ITIH5: variants seen among roughly 807,000 people sequenced by gnomAD.
ITIH5 encodes the protein inter-alpha-trypsin inhibitor heavy chain H5.
Under a neutral mutation model 77.5 loss-of-function variants are expected in ITIH5, and 65 were observed. The ratio of observed to expected loss-of-function variants is 0.84; its 90% CI spans 0.69 to 1.03. The LOEUF (loss-of-function observed/expected upper bound fraction) is 1.03. Among genes scored for constraint, ITIH5 ranks in the 50% least tolerant of loss-of-function variants. ITIH5 has a pLI of 0.00. For missense variants in ITIH5, 1,208 were observed against 1,213.1 expected (o/e 1.00, Z 0.06); for synonymous variants, 525 against 494.3 (o/e 1.06, Z -0.82).
chr10:7,597,152 T>C lies in ITIH5; in HGVS notation c.940-11083A>G, dbSNP rs959468954. Among the ~76,000 whole-genome samples, 3 of 151,294 alleles carry C rather than the reference T, an allele frequency of 2.0e-5. No individual in the cohort carries two copies. In the Admixed American group the frequency reaches 2.0e-4, roughly 10 times the overall value. On this transcript the variant is annotated intron_variant, in intron 7 of 13. Transcript: ENST00000397146. ...TCAGCAAATGAAAACAGCCCTAAGT[T>C]TCTGAAAGGTAATTTTGGAAAATGA...
rs1373198278 is a variant in ITIH5 at position 7,643,307 on chromosome 10, GC to G, written c.136-1218del. 5.3e-5 allele frequency among the ~76,000 whole-genome samples: 8 copies of G among 152,196 alleles called. No individual in the cohort carries two copies. The South Asian group carries it at 1.2e-3, about 24-fold the overall frequency. ...TGGTCTATAGAATTTTGTTATGGAA[GC>G]CCGAGCAAGCTAAAACAAGACATTA... On this transcript the variant is annotated intron_variant, in intron 2 of 13. Transcript: ENST00000397146.
At chr10:7,601,292 A>G (rs944095594) in intron 7 of ITIH5, among the ~76,000 whole-genome samples, 6 of 152,126 alleles carry the variant, frequency 3.9e-5, no homozygotes, top group African/African-American at 7.2e-5. Flanking sequence ...CTTTACCCCA[A>G]TTCAGAGAGA....
chr10:7,566,576 T>C (rs1045764193), intron 12 of ITIH5, among the ~76,000 whole-genome samples, 169 bp from the exon 13 acceptor site: 1 of 150,432 alleles, frequency 6.6e-6, no homozygotes, highest in African/African-American at 2.5e-5. Context: ...AAATAAACAA[T>C]TAGCTGAGCA....
At chr10:7,627,086 C>T (rs1011605498) in intron 5 of ITIH5, among the ~76,000 whole-genome samples, 3 of 152,102 alleles carry the variant, frequency 2.0e-5, no homozygotes, top group Non-Finnish European at 2.9e-5. Flanking sequence ...ACAGCAAAGG[C>T]AGATCATGAT....
intron 7 of ITIH5, among the ~76,000 whole-genome samples, chr10:7,609,967 G>A (rs1833208455): frequency 6.6e-6 from 1 of 151,752 alleles, no homozygotes; most frequent in Non-Finnish European, 1.5e-5. Flanking sequence ...CTACATGTCT[G>A]TCTGCAAATG....
intron 6 of ITIH5, 145 bp from the exon 7 acceptor site, chr10:7,616,243 A>C (rs1833364567): frequency 1.6e-6 from 1 of 607,826 alleles, no homozygotes; most frequent in Admixed American, 2.7e-5. Flanking sequence ...AAAATTATCT[A>C]AGGCCCTGAT....
chr10:7,618,950 G>C (rs559030510), intron 5 of ITIH5: 2 of 152,290 alleles, frequency 1.3e-5, no homozygotes, highest in East Asian at 3.9e-4. Flanking sequence ...ACTTATCAAG[G>C]ACAGGGATTT....
At chr10:7,615,259 T>A (rs986118678) in intron 7 of ITIH5, among the ~76,000 whole-genome samples, 6 of 152,006 alleles carry the variant, frequency 3.9e-5, no homozygotes, top group African/African-American at 1.4e-4. Context: ...CTCAAAAAAA[T>A]AAATAAAATA....
In ITIH5 at chr10:7,640,148, C is replaced by CAAAAAAAAA. The variant is rs56939703; in HGVS notation, c.401+597_401+605dup. On this transcript the variant is annotated intron_variant, in intron 4 of 13. Transcript: ENST00000397146. ...AATATTTAGAGTTAGGGGGTAACTACAAAAAAAAAAAAAAAAAAAAAAACT... is the reference window on the plus strand; with the variant it reads ...AATATTTAGAGTTAGGGGGTAACTACAAAAAAAAAAAAAAAAAAAAAAAAAAAAAAAACT... Among the ~76,000 whole-genome samples, 58 of 80,252 alleles carry CAAAAAAAAA rather than the reference C, an allele frequency of 7.2e-4. 1 individual carries two copies. The highest frequency in any genetic ancestry group is 1.2e-3 in the Admixed American group (7 of 5,852). The allele number at this position is 80,252 out of a possible 152,430, so 52.6% of individuals were successfully genotyped here. A position where few individuals can be genotyped will look rare whatever the true frequency, so the allele number is the denominator to read the frequency against.
At chr10:7,565,614 AC>A (rs1371153225) in intron 13 of ITIH5, among the ~76,000 whole-genome samples, 3 of 148,724 alleles carry the variant, frequency 2.0e-5, no homozygotes, top group Non-Finnish European at 4.5e-5. Flanking sequence ...AATATATAAT[AC>A]ATTATGTATA....
chr10:7,656,654 G>A (rs1834188153), intron 1 of ITIH5, among the ~76,000 whole-genome samples: 1 of 152,080 alleles, frequency 6.6e-6, no homozygotes, highest in African/African-American at 2.4e-5. Context: ...TATTGTTGCT[G>A]GGAGTAATAA....
rs138312572 is a variant in ITIH5 at position 7,630,852 on chromosome 10, G to A, written c.652+6376C>T. On this transcript the variant is annotated intron_variant, in intron 5 of 13. Coordinates refer to ENST00000397146, the MANE Select transcript of ITIH5 (RefSeq NM_030569.7). ...TGTTCTTAACGGCCAAACACTTCTC[G>A]GTGATGAACCAGATGGCAGGAGAAC... Among the ~76,000 whole-genome samples the A allele has an allele frequency of 1.5e-4, 23 of 151,932 alleles. No homozygotes were observed. The South Asian group carries it at 3.6e-3, about 24-fold the overall frequency.
intron 7 of ITIH5, among the ~76,000 whole-genome samples, chr10:7,609,816 G>A (rs1006602787): frequency 6.6e-6 from 1 of 152,066 alleles, no homozygotes; most frequent in Non-Finnish European, 1.5e-5. Flanking sequence ...GTCACTGCTT[G>A]GTTGCCAAAG....
chr10:7,580,208 C>T, intron 8 of ITIH5, 144 bp from the exon 9 acceptor site: 1 of 653,190 alleles, frequency 1.5e-6, no homozygotes, highest in Non-Finnish European at 2.6e-6. Flanking sequence ...GCAACCTCCG[C>T]CTCCCAGGTT....
intron 8 of ITIH5, 25 bp downstream of exon 8, chr10:7,585,876 T>C (rs369958378): frequency 5.9e-5 from 87 of 1,477,420 alleles, no homozygotes; most frequent in Non-Finnish European, 7.3e-5. Flanking sequence ...GCCAAGCCAA[T>C]GTGAAAAGAA....
rs1832079889 is a variant in ITIH5, at chr10:7,563,515, C to T, written c.2528-131G>A. ...GCCCGAGACTGGACTCTCCCAGTGA[C>T]ATGGAAGAACATGTGCTCTGGGGGG... On this transcript the variant is annotated intron_variant, in intron 13 of 13. Coordinates refer to ENST00000397146, the MANE Select transcript of ITIH5 (RefSeq NM_030569.7). 1.3e-5 allele frequency: 9 copies of T among 719,446 alleles called. No individual in the cohort carries two copies. The Admixed American group carries it at 1.4e-4, about 11-fold the overall frequency. The allele number at this position is 719,446 out of a possible 1,614,324, so 44.6% of individuals were successfully genotyped here.
Position 7,566,035 on chromosome 10 carries a change from A to T in ITIH5, c.2522T>A (p.Leu841Gln), listed in dbSNP as rs755424406. The T allele has an allele frequency of 6.2e-7, 1 of 1,613,296 alleles. No homozygotes were observed. The highest frequency in any genetic ancestry group is 1.3e-5 in the African/African-American group (1 of 74,918). The change falls in exon 13 of 14, where the codon CTG (leucine) becomes CAG (glutamine). Residue 841 changes from leucine to glutamine, a missense_variant. Leu to Gln is a moderately radical substitution (Grantham distance 113). Transcript: ENST00000397146. ...AGGAGAGCGCAGCTTCCTACCCAGCAGTCCGTGGCAGTTGCTGGAAAGGCC... is the reference window on the plus strand; with the variant it reads ...AGGAGAGCGCAGCTTCCTACCCAGCTGTCCGTGGCAGTTGCTGGAAAGGCC... ...SEGLSSNCHG[L>Q]LGQFLNQDAR...
At chr10:7,585,758 G>A (rs1832659509) in intron 8 of ITIH5, 143 bp downstream of exon 8, 1 of 669,924 alleles carries the variant, frequency 1.5e-6, no homozygotes, top group South Asian at 2.1e-5. Flanking sequence ...CTAAGCTGCT[G>A]AGAAAGCTCT....
At chr10:7,639,237 G>A (rs1374824755) in intron 4 of ITIH5, among the ~76,000 whole-genome samples, 1 of 152,304 alleles carries the variant, frequency 6.6e-6, no homozygotes, top group Middle Eastern at 3.4e-3. Flanking sequence ...ATTAGGGGAA[G>A]GATGGAGTAT....
Sources: gnomAD v4.1 joint callset for allele counts (sites outside exome capture counted in the v4.1 genomes callset) on GRCh38, gnomAD v4.1.1 for gene constraint, MANE v1.5 for transcripts, NCBI Gene and HGNC (gene_info 2026-07-23, HGNC 2026-07-21) for gene names.